Variants in DOCK7 observed in about 807,000 individuals in gnomAD.
DOCK7 encodes the protein dedicator of cytokinesis protein 7.
DOCK7 carries 138 observed loss-of-function variants against 271.0 expected under a neutral mutation model. The ratio of observed to expected loss-of-function variants is 0.51; its 90% CI spans 0.44 to 0.59. The LOEUF is 0.59. Ranked by LOEUF, DOCK7 falls within the 20% of genes least tolerant of loss-of-function variation. The pLI is 0.00. For synonymous variants in DOCK7, 823 were observed against 876.1 expected, an observed-to-expected ratio of 0.94 and a Z score of 1.07; for missense variants, 2,066 against 2,592.4, an observed-to-expected ratio of 0.80 and a Z score of 4.41.
chr1:62,622,802 C>T lies in DOCK7; in HGVS notation c.1425+2457G>A, dbSNP rs528052212. 1.7e-4 allele frequency among the ~76,000 whole-genome samples: 26 copies of T among 152,016 alleles called. No individual in the cohort carries two copies. In the South Asian group the frequency reaches 4.8e-3, roughly 28 times the overall value. On this transcript the variant is annotated intron_variant, in intron 12 of 49. Coordinates refer to ENST00000635253, the MANE Select transcript of DOCK7 (RefSeq NM_001367561.1). ...AAAATTAGCCAGGCATGGTGGCAGG[C>T]GCCTGTAGTCCCAGCTACTCGGGAG...
At chr1:62,611,404 T>G (rs538431865) in intron 14 of DOCK7, among the ~76,000 whole-genome samples, 65 of 152,348 alleles carry the variant, frequency 4.3e-4, no homozygotes, top group African/African-American at 1.3e-3. Context: ...TTGAGCGACC[T>G]CAAATCTGAA....
chr1:62,636,550 T>G lies in DOCK7; in HGVS notation c.872A>C (p.Lys291Thr). The change falls in exon 8 of 50, where the codon AAG becomes ACG. Residue 291 changes from lysine (K) to threonine (T), a missense_variant. By Grantham distance (78) the Lys-to-Thr change is moderately conservative. Transcript: ENST00000635253. ...ATATAATCTTACCTTTTTCTTTTCC[T>G]TGACATCATATAAAGCCAAACTTGC... ...IFASLALYDV[K>T]EKKKISENFY... 1 of 1,601,814 alleles carries G rather than the reference T, an allele frequency of 6.2e-7. No homozygotes were observed. Among genetic ancestry groups the G allele is most frequent in the Non-Finnish European group, 8.5e-7 (1 of 1,172,670 alleles).
intron 37 of DOCK7, among the ~76,000 whole-genome samples, chr1:62,500,499 A>AT (rs201386254): frequency 0.01 from 1,554 of 152,296 alleles, 29 homozygotes; most frequent in African/African-American, 0.036. Flanking sequence ...CAAAACAAGT[A>AT]TTTTATATTC....
At chr1:62,581,855 T>C (rs1260764167) in intron 16 of DOCK7, among the ~76,000 whole-genome samples, 2 of 152,134 alleles carry the variant, frequency 1.3e-5, no homozygotes, top group Non-Finnish European at 2.9e-5. Context: ...AAATACATAC[T>C]ATACAACAGC....
intron 18 of DOCK7, among the ~76,000 whole-genome samples, chr1:62,572,033 C>T (rs1403673916): frequency 6.6e-6 from 1 of 152,146 alleles, no homozygotes; most frequent in Non-Finnish European, 1.5e-5. Context: ...CAAACCTGCA[C>T]ATCCTGCACA....
At chr1:62,682,049 A>G (rs1019173484) in intron 1 of DOCK7, among the ~76,000 whole-genome samples, 20 of 150,952 alleles carry the variant, frequency 1.3e-4, no homozygotes, top group Non-Finnish European at 2.8e-4. Flanking sequence ...ATCTAAAAGA[A>G]AAAAAAAAAA....
Position 62,470,146 on chromosome 1 carries a change from T to C in DOCK7, c.6212+3836A>G, listed in dbSNP as rs139683917. ...ATATTTATAGCAGCACAATTTGTAATAGCAAAAATGTGGAACTGGCCCAAA... is the reference window on the plus strand; with the variant it reads ...ATATTTATAGCAGCACAATTTGTAACAGCAAAAATGTGGAACTGGCCCAAA... On this transcript the variant is annotated intron_variant, in intron 48 of 49. Transcript: ENST00000635253. Among the ~76,000 whole-genome samples the C allele has an allele frequency of 3.4e-3, 522 of 152,296 alleles. 8 individuals carry two copies. The highest frequency in any genetic ancestry group is 0.011 in the African/African-American group (473 of 41,548).
chr1:62,582,226 G>C (rs1647148628), intron 16 of DOCK7, among the ~76,000 whole-genome samples: 1 of 152,194 alleles, frequency 6.6e-6, no homozygotes, highest in African/African-American at 2.4e-5. Context: ...TGTAGCTACT[G>C]CTAAATGAAG....
At chr1:62,629,838 C>G (rs1363431140) in intron 11 of DOCK7, among the ~76,000 whole-genome samples, 3 of 152,204 alleles carry the variant, frequency 2.0e-5, no homozygotes, top group Admixed American at 2.0e-4. Context: ...TTTCTGGTCA[C>G]AAAAACTTAA....
intron 11 of DOCK7, 56 bp downstream of exon 11, chr1:62,631,184 C>CAA: frequency 6.3e-6 from 8 of 1,274,090 alleles, no homozygotes; most frequent in East Asian, 2.8e-5. Flanking sequence ...AACTCCATCT[C>CAA]AAAAAAAAAA....
At position 62,688,290 on chromosome 1, in the gene DOCK7, G is replaced by A. The variant is rs1273721121; in HGVS notation, c.-26C>T. 1 of 1,238,908 alleles carries A rather than the reference G, an allele frequency of 8.1e-7. No individual in the cohort carries two copies. The highest frequency in any genetic ancestry group is 3.1e-5 in the South Asian group (1 of 32,276). The allele number at this position is 1,238,908 out of a possible 1,614,324, so 76.7% of individuals were successfully genotyped here. A position where few individuals can be genotyped will look rare whatever the true frequency, so the allele number is the denominator to read the frequency against. Reference sequence around the variant, plus strand: ...GGCTGCTGCGGCGACGGCGACGGCGGCGGCGGCTGCGGCGGGCCGGGTGCG... The same window carrying A: ...GGCTGCTGCGGCGACGGCGACGGCGACGGCGGCTGCGGCGGGCCGGGTGCG... On this transcript the variant is annotated 5_prime_UTR_variant, in exon 1 of 50. Transcript: ENST00000635253.
intron 19 of DOCK7, among the ~76,000 whole-genome samples, chr1:62,559,822 G>C (rs1167133893): frequency 1.3e-5 from 2 of 152,120 alleles, no homozygotes; most frequent in Admixed American, 6.6e-5. Context: ...TGGATTTCAG[G>C]GGGGTTCCCA....
Position 62,551,970 on chromosome 1 carries a change from T to A in DOCK7, c.2766+762A>T, listed in dbSNP as rs1358414371. On this transcript the variant is annotated intron_variant, in intron 22 of 49. Transcript: ENST00000635253. The stretch of plus-strand genomic sequence containing the variant: ...TATGCTAAATGAGTCTTAATGTAAA[T>A]CTTACAAAAATTAAGAGACATTTTA... 3.9e-5 allele frequency among the ~76,000 whole-genome samples: 6 copies of A among 151,970 alleles called. No homozygotes were observed. The East Asian group carries it at 9.7e-4, about 24-fold the overall frequency.
chr1:62,653,127 C>A (rs1178311692), intron 4 of DOCK7, among the ~76,000 whole-genome samples: 1 of 152,184 alleles, frequency 6.6e-6, no homozygotes, highest in Non-Finnish European at 1.5e-5. Context: ...AGTATGAAGA[C>A]CCTTCTCCAT....
chr1:62,641,602 G>A, intron 7 of DOCK7: 1 of 471,136 alleles, frequency 2.1e-6, no homozygotes, highest in Admixed American at 2.3e-5. Context: ...CAGAAATGTG[G>A]ATGCCCTCGC....
chr1:62,566,034 T>TG (rs1365374632), intron 18 of DOCK7, among the ~76,000 whole-genome samples: 2 of 152,312 alleles, frequency 1.3e-5, no homozygotes, highest in East Asian at 3.9e-4. Context: ...TACACATTAC[T>TG]GCTCAAGGAA....
At chr1:62,579,080 A>G in intron 16 of DOCK7, 114 bp from the exon 17 acceptor site, 1 of 1,042,492 alleles carries the variant, frequency 9.6e-7, no homozygotes, top group Non-Finnish European at 1.3e-6. Context: ...TTTTTCCTCT[A>G]GTCCAAAATA....
chr1:62,528,244 G>A lies in DOCK7; in HGVS notation c.3843C>T (p.Ser1281=), dbSNP rs780744272. 4.2e-5 allele frequency: 67 copies of A among 1,613,254 alleles called. No individual in the cohort carries two copies. Among genetic ancestry groups the A allele is most frequent in the South Asian group, 7.7e-5 (7 of 90,980 alleles). The change falls in exon 31 of 50, where the codon AGC becomes AGT. Residue 1281 remains serine, a synonymous_variant. Transcript: ENST00000635253. ...CIATDDYESE[S]GSMISQTVAM... ...CAACGGTCTGGCTTATCATACTTCC[G>A]CTCTCACTTTCATAATCATCAGTGG...
intron 4 of DOCK7, among the ~76,000 whole-genome samples, chr1:62,653,316 CAG>C (rs1333594011): frequency 6.6e-6 from 1 of 152,142 alleles, no homozygotes; most frequent in Non-Finnish European, 1.5e-5. Context: ...TTAGAAACAG[CAG>C]AGACCTTTCA....
Sources: gnomAD v4.1 joint callset for allele counts (sites outside exome capture counted in the v4.1 genomes callset) on GRCh38, gnomAD v4.1.1 for gene constraint, MANE v1.5 for transcripts, NCBI Gene and HGNC (gene_info 2026-07-23, HGNC 2026-07-21) for gene names.